Variants in DACH1 observed in about 807,000 individuals in gnomAD.
DACH1 encodes the protein dachshund homolog 1.
A neutral mutation model predicts 54.2 loss-of-function variants in DACH1; 12 were observed. That is an observed-to-expected ratio of 0.22 (90% CI 0.14 to 0.36). The LOEUF is 0.36. Ranked by LOEUF, DACH1 falls within the 10% of genes least tolerant of loss-of-function variation. The pLI, the probability that DACH1 is intolerant of heterozygous loss-of-function variation, is 1.00. For synonymous variants in DACH1, 386 were observed against 366.2 expected (o/e 1.05, Z -0.62); for missense variants, 805 against 929.8 (o/e 0.87, Z 1.75).
intron 1 of DACH1, among the ~76,000 whole-genome samples, chr13:71,720,901 G>C (rs1415697491): frequency 1.3e-5 from 2 of 152,074 alleles, no homozygotes; most frequent in African/African-American, 2.4e-5. Flanking sequence ...CCTACACCCA[G>C]ATAAATGTCC....
intron 3 of DACH1, among the ~76,000 whole-genome samples, chr13:71,616,254 A>C (rs1875753246): frequency 6.6e-6 from 1 of 152,160 alleles, no homozygotes; most frequent in East Asian, 1.9e-4. Context: ...AGTATTAAGA[A>C]ACTGGAGCTG....
Position 71,463,247 on chromosome 13 carries a change from T to A in DACH1, c.2083+11894A>T, listed in dbSNP as rs141181569. Among the ~76,000 whole-genome samples, 455 of 152,138 alleles carry A rather than the reference T, an allele frequency of 3.0e-3. 2 individuals are homozygous for A. The highest frequency in any genetic ancestry group is 0.01 in the African/African-American group (435 of 41,560). On this transcript the variant is annotated intron_variant, in intron 10 of 10. Transcript: ENST00000613252. The stretch of plus-strand genomic sequence containing the variant: ...GTGTAACTGATTTATTAATTATCCC[T>A]GTAAACTAGTGAATTTATTTTAGAG...
At chr13:71,623,311 TCA>T (rs1352301835) in intron 3 of DACH1, among the ~76,000 whole-genome samples, 1 of 151,694 alleles carries the variant, frequency 6.6e-6, no homozygotes, top group Non-Finnish European at 1.5e-5. Flanking sequence ...CATAAAATGA[TCA>T]GTTATTAATA....
chr13:71,490,643 T>C (rs1221215381), intron 6 of DACH1, among the ~76,000 whole-genome samples: 2 of 152,206 alleles, frequency 1.3e-5, no homozygotes, highest in African/African-American at 4.8e-5. Flanking sequence ...TAAAGAAAGA[T>C]GGCCATGCAG....
intron 10 of DACH1, among the ~76,000 whole-genome samples, chr13:71,446,274 T>C (rs1292953555): frequency 1.3e-5 from 2 of 152,224 alleles, no homozygotes; most frequent in East Asian, 1.9e-4. Flanking sequence ...CTGTATGTGT[T>C]TGACGCAGAA....
At chr13:71,778,098 A>G (rs1433148937) in intron 1 of DACH1, among the ~76,000 whole-genome samples, 1 of 114,700 alleles carries the variant, frequency 8.7e-6, no homozygotes, top group Non-Finnish European at 1.9e-5. Flanking sequence ...TCTACAATAA[A>G]TAAATAAATA....
chr13:71,684,998 G>A (rs900486107), intron 1 of DACH1, among the ~76,000 whole-genome samples: 1 of 152,054 alleles, frequency 6.6e-6, no homozygotes, highest in Non-Finnish European at 1.5e-5. Context: ...AGATGCTACA[G>A]AAAAAGTGGG....
intron 2 of DACH1, among the ~76,000 whole-genome samples, chr13:71,664,525 C>T (rs922307456): frequency 3.3e-5 from 5 of 151,784 alleles, no homozygotes; most frequent in Admixed American, 1.3e-4. Flanking sequence ...GTTATAGATG[C>T]AATGCAAGGG....
chr13:71,841,299 TC>T (rs1400962821), intron 1 of DACH1, among the ~76,000 whole-genome samples: 1 of 152,238 alleles, frequency 6.6e-6, no homozygotes, highest in Non-Finnish European at 1.5e-5. Context: ...ATGTCTTTTC[TC>T]TTTTTTTTTG....
chr13:71,837,206 A>G (rs1363212310), intron 1 of DACH1, among the ~76,000 whole-genome samples: 3 of 152,128 alleles, frequency 2.0e-5, no homozygotes, highest in African/African-American at 7.2e-5. Context: ...AATTTATTTT[A>G]AGCTAGATCT....
At chr13:71,690,564 C>G (rs1881427969) in intron 1 of DACH1, among the ~76,000 whole-genome samples, 1 of 152,112 alleles carries the variant, frequency 6.6e-6, no homozygotes, top group African/African-American at 2.4e-5. Context: ...AACGTTAATA[C>G]TATATTGGAT....
At chr13:71,594,957 C>T (rs1873989253) in intron 3 of DACH1, among the ~76,000 whole-genome samples, 1 of 152,048 alleles carries the variant, frequency 6.6e-6, no homozygotes, top group Admixed American at 6.5e-5. Flanking sequence ...CATGGCATAT[C>T]AGATTGTGTT....
intron 1 of DACH1, among the ~76,000 whole-genome samples, chr13:71,712,798 T>C (rs1882782921): frequency 6.6e-6 from 1 of 152,066 alleles, no homozygotes; most frequent in Admixed American, 6.6e-5. Context: ...ACTATTTCCT[T>C]TACCCCCCAA....
At chr13:71,688,260 T>C (rs1170814646) in intron 1 of DACH1, among the ~76,000 whole-genome samples, 2 of 152,224 alleles carry the variant, frequency 1.3e-5, no homozygotes, top group African/African-American at 4.8e-5. Flanking sequence ...TGTATGTATA[T>C]CAATATTTCG....
chr13:71,671,632 T>A (rs985271322), intron 2 of DACH1, among the ~76,000 whole-genome samples: 1 of 152,032 alleles, frequency 6.6e-6, no homozygotes, highest in Non-Finnish European at 1.5e-5. Context: ...ACAGTAATTC[T>A]AAAGTGGGAA....
intron 1 of DACH1, among the ~76,000 whole-genome samples, chr13:71,779,193 A>AT (rs1289121865): frequency 2.4e-5 from 3 of 125,012 alleles, no homozygotes; most frequent in South Asian, 2.3e-4. Flanking sequence ...ATATACGTAT[A>AT]TACGTATATA....
intron 7 of DACH1, among the ~76,000 whole-genome samples, chr13:71,480,441 AG>A (rs965532115): frequency 6.6e-6 from 1 of 152,212 alleles, no homozygotes; most frequent in Non-Finnish European, 1.5e-5. Context: ...CAGTATTTTA[AG>A]GTTCTTGAAA....
At chr13:71,614,938 TA>T (rs1233386770) in intron 3 of DACH1, among the ~76,000 whole-genome samples, 1 of 151,078 alleles carries the variant, frequency 6.6e-6, no homozygotes, top group African/African-American at 2.4e-5. Context: ...GTTTTTTTTT[TA>T]AAAAAAGATA....
intron 2 of DACH1, among the ~76,000 whole-genome samples, chr13:71,660,190 C>T (rs1179683418): frequency 6.6e-6 from 1 of 151,916 alleles, no homozygotes; most frequent in Admixed American, 6.6e-5. Flanking sequence ...TGCTGGCAGC[C>T]GAAATTGCCC....
Sources: gnomAD v4.1 joint callset for allele counts (sites outside exome capture counted in the v4.1 genomes callset) on GRCh38, gnomAD v4.1.1 for gene constraint, MANE v1.5 for transcripts, NCBI Gene and HGNC (gene_info 2026-07-23, HGNC 2026-07-21) for gene names.